The following CAMK2D variants were observed in gnomAD, a reference collection of about 807,000 sequenced individuals.
CAMK2D encodes the protein calcium/calmodulin dependent protein kinase II delta, also known as calcium/calmodulin-dependent protein kinase type II subunit delta.
In CAMK2D, 37 loss-of-function variants were observed where a neutral mutation model predicts 84.0. The ratio of observed to expected loss-of-function variants is 0.44; its 90% CI spans 0.34 to 0.58. The LOEUF (loss-of-function observed/expected upper bound fraction) is 0.58, where lower values mean the gene tolerates loss of function less well. Among genes scored for constraint, CAMK2D ranks in the 20% least tolerant of loss-of-function variants. The probability of loss-of-function intolerance (pLI) is 0.02; values close to 1 mark genes in which losing one functional copy is unlikely to be tolerated. For synonymous variants in CAMK2D, 202 were observed against 212.5 expected, an observed-to-expected ratio of 0.95 and a Z score of 0.43; for missense variants, 448 against 652.5, an observed-to-expected ratio of 0.69 and a Z score of 3.41.
intron 16 of CAMK2D, among the ~76,000 whole-genome samples, chr4:113,499,374 T>C (rs1480706895): frequency 7.2e-5 from 11 of 152,158 alleles, no homozygotes; most frequent in Admixed American, 5.9e-4. Flanking sequence ...GAGTACACTT[T>C]AACAGCATCA....
intron 16 of CAMK2D, 98 bp from the exon 17 acceptor site, chr4:113,465,702 T>C (rs2097451576): frequency 1.5e-5 from 11 of 745,434 alleles, no homozygotes; most frequent in Non-Finnish European, 2.3e-5. Context: ...TCTCACTCTG[T>C]CACCCATGCT....
chr4:113,488,806 A>G (rs2097791250), intron 16 of CAMK2D, among the ~76,000 whole-genome samples: 1 of 152,178 alleles, frequency 6.6e-6, no homozygotes, highest in Non-Finnish European at 1.5e-5. Context: ...TGTTAAAATG[A>G]GAAGTTACAT....
intron 17 of CAMK2D, among the ~76,000 whole-genome samples, chr4:113,461,034 CAT>C (rs1437896063): frequency 6.6e-6 from 1 of 152,142 alleles, no homozygotes; most frequent in African/African-American, 2.4e-5. Flanking sequence ...TCATGTCAAA[CAT>C]GTATATTACA....
chr4:113,761,523 G>T lies in CAMK2D; in HGVS notation c.-455C>A, dbSNP rs2099641378. The T allele has an allele frequency of 9.9e-7, 1 of 1,011,880 alleles. No individual in the cohort carries two copies. The highest frequency in any genetic ancestry group is 5.6e-5 in the Admixed American group (1 of 18,002). The allele number at this position is 1,011,880 out of a possible 1,614,324, so 62.7% of individuals were successfully genotyped here. On this transcript the variant is annotated 5_prime_UTR_variant, in exon 1 of 21. Transcript: ENST00000511664. The stretch of plus-strand genomic sequence containing the variant: ...CGAGGGGGCGGAGGTGGAGTGCAGC[G>T]GGGCCGAGGCCGCGGAGCCCAGAGC...
chr4:113,635,647 C>T lies in CAMK2D; in HGVS notation c.220+26066G>A, dbSNP rs951476667. ...GTATGTTAAATACTTGTACTTAACC[C>T]TTACAAGAAAATACAGTGGGCATAA... On this transcript the variant is annotated intron_variant, in intron 3 of 20. Coordinates refer to ENST00000511664, the MANE Select transcript of CAMK2D (RefSeq NM_001321571.2). 1.8e-4 allele frequency among the ~76,000 whole-genome samples: 27 copies of T among 152,150 alleles called. 1 individual carries two copies. Among genetic ancestry groups the T allele is most frequent in the South Asian group, 1.7e-3 (8 of 4,818 alleles).
At chr4:113,608,627 T>G (rs2098987347) in intron 4 of CAMK2D, among the ~76,000 whole-genome samples, 1 of 152,152 alleles carries the variant, frequency 6.6e-6, no homozygotes, top group Non-Finnish European at 1.5e-5. Flanking sequence ...CTTATTAAAC[T>G]CCTACCAACC....
chr4:113,517,921 C>G (rs970239511), intron 8 of CAMK2D, among the ~76,000 whole-genome samples: 1 of 152,186 alleles, frequency 6.6e-6, no homozygotes, highest in Admixed American at 6.5e-5. Context: ...GGGCAACATT[C>G]ATTTAGGGCA....
At chr4:113,611,126 T>A (rs1260113218) in intron 3 of CAMK2D, among the ~76,000 whole-genome samples, 1 of 152,044 alleles carries the variant, frequency 6.6e-6, no homozygotes, top group Non-Finnish European at 1.5e-5. Context: ...AATTCTTCCA[T>A]CACTTTAATG....
intron 2 of CAMK2D, among the ~76,000 whole-genome samples, chr4:113,744,874 A>G (rs753823191): frequency 1.3e-5 from 2 of 152,208 alleles, no homozygotes; most frequent in Admixed American, 1.3e-4. Context: ...GGTCTTTTTG[A>G]TAAGTCAGTG....
chr4:113,683,819 AG>A (rs1474943172), intron 2 of CAMK2D, among the ~76,000 whole-genome samples: 31 of 152,358 alleles, frequency 2.0e-4, no homozygotes, highest in African/African-American at 7.0e-4. Context: ...TTTCTGCTGC[AG>A]GAAATATCGG....
chr4:113,632,670 C>T (rs1283706849), intron 3 of CAMK2D, among the ~76,000 whole-genome samples: 2 of 151,850 alleles, frequency 1.3e-5, no homozygotes, highest in Non-Finnish European at 2.9e-5. Flanking sequence ...TAATAATATT[C>T]ATATGACCTG....
intron 2 of CAMK2D, among the ~76,000 whole-genome samples, chr4:113,730,903 C>T (rs753866501): frequency 6.6e-6 from 1 of 152,204 alleles, no homozygotes; most frequent in Non-Finnish European, 1.5e-5. Context: ...TTCTCACCAA[C>T]TTATACAACG....
intron 2 of CAMK2D, among the ~76,000 whole-genome samples, chr4:113,698,850 A>G (rs1257314018): frequency 1.3e-5 from 2 of 152,138 alleles, no homozygotes; most frequent in East Asian, 1.9e-4. Flanking sequence ...AACATGTCTG[A>G]AAAGACATGC....
chr4:113,720,916 A>G (rs570353421), intron 2 of CAMK2D, among the ~76,000 whole-genome samples: 3 of 152,244 alleles, frequency 2.0e-5, no homozygotes, highest in Non-Finnish European at 4.4e-5. Context: ...ATTACAACAT[A>G]TTAAGTACAA....
intron 2 of CAMK2D, among the ~76,000 whole-genome samples, chr4:113,709,400 A>G (rs918982786): frequency 6.6e-6 from 1 of 152,132 alleles, no homozygotes; most frequent in African/African-American, 2.4e-5. Flanking sequence ...AAAAGTGTTT[A>G]AAATACTTGT....
chr4:113,565,276 TAA>T (rs1458146165), intron 4 of CAMK2D, among the ~76,000 whole-genome samples: 1 of 152,110 alleles, frequency 6.6e-6, no homozygotes, highest in Non-Finnish European at 1.5e-5. Context: ...TACAACAAAT[TAA>T]AGAGGGCTTA....
intron 2 of CAMK2D, among the ~76,000 whole-genome samples, chr4:113,721,425 C>G (rs972161773): frequency 3.9e-5 from 6 of 152,174 alleles, no homozygotes; most frequent in Non-Finnish European, 5.9e-5. Flanking sequence ...ATTAAAAACA[C>G]TTTACCCAGG....
chr4:113,542,441 C>T (rs2098536485), intron 6 of CAMK2D, among the ~76,000 whole-genome samples: 2 of 152,064 alleles, frequency 1.3e-5, no homozygotes, highest in Non-Finnish European at 2.9e-5. Flanking sequence ...ACTGGCCGGG[C>T]GCTGTGGCTC....
At chr4:113,688,304 T>C (rs2099365974) in intron 2 of CAMK2D, among the ~76,000 whole-genome samples, 1 of 152,220 alleles carries the variant, frequency 6.6e-6, no homozygotes, top group Non-Finnish European at 1.5e-5. Context: ...CAAAAGGTCT[T>C]AGAAGCTTTA....
Sources: gnomAD v4.1 joint callset for allele counts (sites outside exome capture counted in the v4.1 genomes callset) on GRCh38, gnomAD v4.1.1 for gene constraint, MANE v1.5 for transcripts, NCBI Gene and HGNC (gene_info 2026-07-23, HGNC 2026-07-21) for gene names.